CDH23: variants seen among roughly 807,000 people sequenced by gnomAD.
The protein encoded by CDH23 is cadherin-23.
CDH23 carries 189 observed loss-of-function variants against 317.1 expected under a neutral mutation model. That is an observed-to-expected ratio of 0.60 (90% confidence interval 0.53 to 0.67). The LOEUF (loss-of-function observed/expected upper bound fraction) is 0.67. CDH23 is among the 30% of genes least tolerant of loss of function. CDH23 has a pLI of 0.00. For synonymous variants in CDH23, 1,839 were observed against 1,876.8 expected (o/e 0.98, Z 0.52); for missense variants, 4,401 against 4,592.4 (o/e 0.96, Z 1.20).
rs371405635 is a variant in CDH23, at chr10:71,406,761, A to G, written c.-6+9443A>G. 5.6e-4 allele frequency among the ~76,000 whole-genome samples: 85 copies of G among 152,276 alleles called. No homozygotes were observed. In the East Asian group the frequency reaches 8.9e-3, roughly 16 times the overall value. ...CATTCATTTAGGAAATAGTCATTGA[A>G]CCCTTACTGTGTGTCAGGTGCTGTT... On this transcript the variant is annotated intron_variant, in intron 1 of 69. Transcript: ENST00000224721.
chr10:71,594,996 A>C (rs896722813), intron 9 of CDH23, among the ~76,000 whole-genome samples: 2 of 152,232 alleles, frequency 1.3e-5, no homozygotes, highest in African/African-American at 2.4e-5. Context: ...ATATACTGAG[A>C]TATCAGCCAA....
intron 3 of CDH23, among the ~76,000 whole-genome samples, chr10:71,463,939 C>T (rs1851130805): frequency 6.6e-6 from 1 of 152,224 alleles, no homozygotes; most frequent in African/African-American, 2.4e-5. Flanking sequence ...AGAATATTTT[C>T]ACTAAATCAA....
chr10:71,725,088 A>AGCCCCACCG (rs1866745033), intron 29 of CDH23, among the ~76,000 whole-genome samples: 1 of 152,144 alleles, frequency 6.6e-6, no homozygotes, highest in African/African-American at 2.4e-5. Context: ...GACCAGCAGG[A>AGCCCCACCG]GCCCCACCTG....
At chr10:71,531,425 T>A (rs1410493195) in intron 6 of CDH23, among the ~76,000 whole-genome samples, 1 of 152,202 alleles carries the variant, frequency 6.6e-6, no homozygotes, top group African/African-American at 2.4e-5. Context: ...CTAAAAATAT[T>A]GTATTTTCCA....
rs115175392 is a variant in CDH23, at chr10:71,560,019, T to C, written c.430-6723T>C. Among the ~76,000 whole-genome samples, 839 of 152,200 alleles carry C rather than the reference T, an allele frequency of 5.5e-3. 7 individuals are homozygous for C. Among genetic ancestry groups the C allele is most frequent in the African/African-American group, 0.019 (774 of 41,504 alleles). ...TATACTGTCCTCTGTGTGGACCTCGTCCTCCTGCGCTCAAGTGCCTTCCTG... is the reference window on the plus strand; with the variant it reads ...TATACTGTCCTCTGTGTGGACCTCGCCCTCCTGCGCTCAAGTGCCTTCCTG... On this transcript the variant is annotated intron_variant, in intron 6 of 69. Coordinates refer to ENST00000224721, the MANE Select transcript of CDH23 (RefSeq NM_022124.6).
intron 6 of CDH23, among the ~76,000 whole-genome samples, chr10:71,541,537 G>A: frequency 6.6e-6 from 1 of 152,264 alleles, no homozygotes; most frequent in East Asian, 1.9e-4. Flanking sequence ...TGGAGAGTGT[G>A]CGTGCTATCA....
chr10:71,675,104 T>C lies in CDH23; in HGVS notation c.1450-8T>C. 1 of 1,613,698 alleles carries C rather than the reference T, an allele frequency of 6.2e-7. No homozygotes were observed. The highest frequency in any genetic ancestry group is 1.1e-5 in the South Asian group (1 of 91,070). On this transcript the variant is annotated splice_region_variant and splice_polypyrimidine_tract_variant and intron_variant, in intron 14 of 69. Transcript: ENST00000224721. ...GGCAGTAATGACTTCTTGTTCTCGC[T>C]GTTGCAGGCAACTGACAATGATGCA...
chr10:71,407,106 G>A (rs1481533628), intron 1 of CDH23, among the ~76,000 whole-genome samples: 1 of 152,200 alleles, frequency 6.6e-6, no homozygotes, highest in African/African-American at 2.4e-5. Context: ...GCTTGCAGGC[G>A]GTGAGGCAGA....
At position 71,646,016 on chromosome 10, in the gene CDH23, G is replaced by T. The variant is rs772719809; in HGVS notation, c.1290+36G>T. 29 of 1,593,862 alleles carry T rather than the reference G, an allele frequency of 1.8e-5. No homozygotes were observed. The South Asian group carries it at 1.9e-4, about 11-fold the overall frequency. On this transcript the variant is annotated intron_variant, in intron 13 of 69. Transcript: ENST00000224721. ...ACTCACTGGCATTTTGGAGTGGGGT[G>T]GGGGGTGGATTTCAGGGGAGGCGAG...
chr10:71,568,380 C>T (rs1331968577), intron 7 of CDH23, among the ~76,000 whole-genome samples: 1 of 152,252 alleles, frequency 6.6e-6, no homozygotes, highest in African/African-American at 2.4e-5. Flanking sequence ...CAGAAACACG[C>T]AGATGCTTGC....
chr10:71,708,438 T>C lies in CDH23; in HGVS notation c.3107-660T>C, dbSNP rs141881161. ...CTCGCCAGCTGGCAGGGGAGGGGTC[T>C]CCACGCTGTTCTGGGAGTTCCTTCC... On this transcript the variant is annotated intron_variant, in intron 26 of 69. Coordinates refer to ENST00000224721, the MANE Select transcript of CDH23 (RefSeq NM_022124.6). Among the ~76,000 whole-genome samples, 474 of 152,288 alleles carry C rather than the reference T, an allele frequency of 3.1e-3. 2 individuals are homozygous for C. Among genetic ancestry groups the C allele is most frequent in the African/African-American group, 0.011 (450 of 41,556 alleles).
At chr10:71,561,036 G>A (rs1025265797) in intron 6 of CDH23, among the ~76,000 whole-genome samples, 3 of 152,048 alleles carry the variant, frequency 2.0e-5, no homozygotes, top group Non-Finnish European at 2.9e-5. Flanking sequence ...AGGGTGTGGC[G>A]TCCTTCTTTT....
At chr10:71,469,242 T>C (rs1318747063) in intron 3 of CDH23, among the ~76,000 whole-genome samples, 1 of 152,230 alleles carries the variant, frequency 6.6e-6, no homozygotes, top group Non-Finnish European at 1.5e-5. Context: ...ACCATTAAGA[T>C]AGCGAACATA....
chr10:71,406,195 T>G (rs1848090449), intron 1 of CDH23, among the ~76,000 whole-genome samples: 1 of 152,104 alleles, frequency 6.6e-6, no homozygotes, highest in Admixed American at 6.5e-5. Flanking sequence ...AGTATTAAAT[T>G]CATCTTTCTG....
intron 21 of CDH23, 87 bp downstream of exon 21, chr10:71,694,346 G>A: frequency 2.0e-6 from 2 of 994,164 alleles, no homozygotes; most frequent in Non-Finnish European, 3.0e-6. Flanking sequence ...CCCGTGTCCT[G>A]AGCCAGTGTG....
intron 3 of CDH23, among the ~76,000 whole-genome samples, chr10:71,482,661 G>C (rs1852131101): frequency 6.6e-6 from 1 of 152,206 alleles, no homozygotes; most frequent in Admixed American, 6.5e-5. Context: ...AATGCTGCTG[G>C]GCTGGTTTGT....
chr10:71,815,116 C>T lies in CDH23; in HGVS notation c.9903C>T (p.Pro3301=), dbSNP rs55717455. 2,171 of 1,611,154 alleles carry T rather than the reference C, an allele frequency of 1.3e-3. 9 individuals are homozygous for T. The highest frequency in any genetic ancestry group is 8.2e-3 in the African/African-American group (617 of 75,038). The part of the protein sequence containing the change: ...TLLATDLNSL[P]EEDQKGLGRS... ...TGGCCACCGACCTCAACAGCCTGCC[C>T]GAGGAAGACCAGAAGGGCCTGGGCC... The change falls in exon 70 of 70, where the codon CCC becomes CCT. Residue 3301 remains proline (P), a synonymous_variant. Coordinates refer to ENST00000224721, the MANE Select transcript of CDH23 (RefSeq NM_022124.6).
Position 71,642,731 on chromosome 10 carries a change from C to T in CDH23, c.1135-1130C>T, listed in dbSNP as rs578067970. ...CGGCCTCTTATCCCCCACTCTGCCA[C>T]CAGCTCCCTATGCAACCATGGGCTG... On this transcript the variant is annotated intron_variant, in intron 11 of 69. Coordinates refer to ENST00000224721, the MANE Select transcript of CDH23 (RefSeq NM_022124.6). Among the ~76,000 whole-genome samples the T allele has an allele frequency of 5.9e-5, 9 of 152,268 alleles. No homozygotes were observed. In the East Asian group the frequency reaches 1.7e-3, roughly 29 times the overall value.
chr10:71,603,616 G>A (rs1321234967), intron 9 of CDH23, among the ~76,000 whole-genome samples: 8 of 152,204 alleles, frequency 5.3e-5, no homozygotes, highest in Non-Finnish European at 1.2e-4. Flanking sequence ...AGGCAGCAGG[G>A]GGGGCCTCCT....
Sources: gnomAD v4.1 joint callset for allele counts (sites outside exome capture counted in the v4.1 genomes callset) on GRCh38, gnomAD v4.1.1 for gene constraint, MANE v1.5 for transcripts, NCBI Gene and HGNC (gene_info 2026-07-23, HGNC 2026-07-21) for gene names.